Variants in FAM83A observed in about 807,000 individuals in gnomAD.
FAM83A encodes protein FAM83A.
In FAM83A, 21 loss-of-function variants were observed where a neutral mutation model predicts 24.4. The ratio of observed to expected loss-of-function variants is 0.86; its 90% CI spans 0.61 to 1.24. The LOEUF (loss-of-function observed/expected upper bound fraction) is 1.24, where lower values mean the gene tolerates loss of function less well. FAM83A is among the 50% of genes most tolerant of loss of function. The pLI, the probability that FAM83A is intolerant of heterozygous loss-of-function variation, is 0.00. For synonymous variants in FAM83A, 270 were observed against 252.4 expected, an observed-to-expected ratio of 1.07 and a Z score of -0.66; for missense variants, 617 against 579.8, an observed-to-expected ratio of 1.06 and a Z score of -0.66.
Position 123,209,127 on chromosome 8 carries a change from A to AGC in FAM83A, c.*1440_*1441dup. 1 of 1,055,336 alleles carries AGC rather than the reference A, an allele frequency of 9.5e-7. No homozygotes were observed. Among genetic ancestry groups the AGC allele is most frequent in the Non-Finnish European group, 1.1e-6 (1 of 876,394 alleles). The allele number at this position is 1,055,336 out of a possible 1,614,324, so 65.4% of individuals were successfully genotyped here. ...GATCCAGGCTGGGGAGCCAGAGGGG[A>AGC]GCAGGTGCCAACTCCACATCCTTCT... is the stretch of plus-strand genomic sequence containing the variant. On this transcript the variant is annotated 3_prime_UTR_variant, in exon 4 of 4. Coordinates refer to ENST00000690554, the Ensembl canonical transcript of FAM83A. This position sits in a 1 kb window ranked among gnomAD's most constrained non-coding sequence, Gnocchi z 4.7.
Position 123,207,558 on chromosome 8 carries a change from GC to G in FAM83A, c.1178del (p.Pro393ArgfsTer28). ...CACCTCTCCCCGCGGCCCCACGACG[GC>G]CCGCCCGCCGCTGTCTACAGCAACC... On this transcript the variant is annotated frameshift_variant, in exon 4 of 4. Transcript: ENST00000690554. LOFTEE classifies it high-confidence loss of function. 6.5e-7 allele frequency: 1 copy of G among 1,529,334 alleles called. No homozygotes were observed. 94.7% of individuals were successfully genotyped at this position (1,529,334 alleles called of 1,614,324 possible).
chr8:123,192,541 A>T (rs1471714945), intron 2 of FAM83A, among the ~76,000 whole-genome samples: 2 of 152,228 alleles, frequency 1.3e-5, no homozygotes, highest in African/African-American at 4.8e-5. Flanking sequence ...GATTCATCAC[A>T]TAAATTTGAG....
At chr8:123,183,405 A>T (rs1356403136) in intron 1 of FAM83A, 69 bp downstream of exon 1, 1 of 1,542,950 alleles carries the variant, frequency 6.5e-7, no homozygotes, top group Non-Finnish European at 8.7e-7. Flanking sequence ...TAGAGCAGGG[A>T]GGGGGGTGCA....
chr8:123,204,102 G>A (rs367791812), intron 3 of FAM83A, among the ~76,000 whole-genome samples: 55 of 152,238 alleles, frequency 3.6e-4, no homozygotes, highest in African/African-American at 1.3e-3. Context: ...CCTATGGCTA[G>A]ATGTGGACTA....
chr8:123,189,422 T>C (rs185736270), intron 1 of FAM83A, among the ~76,000 whole-genome samples: 1 of 152,160 alleles, frequency 6.6e-6, no homozygotes, highest in Admixed American at 6.5e-5. Flanking sequence ...ATTAGAAAGA[T>C]AGTGGAAACT....
exon 4 of FAM83A, chr8:123,208,743 C>T: frequency 3.0e-6 from 3 of 985,300 alleles, no homozygotes; most frequent in Non-Finnish European, 3.6e-6. Context: ...TGCCTGTAAT[C>T]CCAGAACTTT....
At chr8:123,183,683 CT>C (rs60861074) in intron 1 of FAM83A, among the ~76,000 whole-genome samples, 3,241 of 130,922 alleles carry the variant, frequency 0.025, 70 homozygotes, top group African/African-American at 0.083. Flanking sequence ...TTTTTTCTTT[CT>C]TTTTTTTTTT....
At chr8:123,200,411 T>C (rs1824310151) in intron 3 of FAM83A, among the ~76,000 whole-genome samples, 1 of 152,236 alleles carries the variant, frequency 6.6e-6, no homozygotes, top group East Asian at 1.9e-4. Context: ...AATTTGCACT[T>C]GCCCTTCCAG....
chr8:123,207,228 T>C (rs1231010235), exon 4 of FAM83A: 1 of 1,612,568 alleles, frequency 6.2e-7, no homozygotes, highest in Non-Finnish European at 8.5e-7. Context: ...GTGGAGCTGT[T>C]TGACGAGGAG....
upstream of FAM83A, chr8:123,181,627 C>T (rs1391089461): frequency 5.7e-6 from 1 of 174,956 alleles, no homozygotes; most frequent in Non-Finnish European, 1.2e-5. Flanking sequence ...ATAAACTCCG[C>T]AGCTTTCTCA....
In FAM83A at chr8:123,209,177, T is replaced by G; in HGVS notation, c.*1489T>G. 1.8e-6 allele frequency: 2 copies of G among 1,128,544 alleles called. No homozygotes were observed. Among genetic ancestry groups the G allele is most frequent in the Non-Finnish European group, 2.2e-6 (2 of 925,146 alleles). 69.9% of individuals were successfully genotyped at this position (1,128,544 alleles called of 1,614,324 possible). A position where few individuals can be genotyped will look rare whatever the true frequency, so the allele number is the denominator to read the frequency against. Reference sequence around the variant, plus strand: ...TCCTGTTTCTAGGCCCTCTCCTCCCTTGTCGGTTTTTGGCGGGGAAGCTCA... The same window carrying G: ...TCCTGTTTCTAGGCCCTCTCCTCCCGTGTCGGTTTTTGGCGGGGAAGCTCA... On this transcript the variant is annotated 3_prime_UTR_variant, in exon 4 of 4. Transcript: ENST00000690554. This position sits in a 1 kb window ranked among gnomAD's most constrained non-coding sequence, Gnocchi z 4.7.
At chr8:123,194,084 G>A (rs7813708) in exon 3 of FAM83A, 312,935 of 1,613,918 alleles carry the variant, frequency 0.19, 31,522 homozygotes, top group East Asian at 0.23. Context: ...CAGGAAATTC[G>A]CTGGCCAAAT....
Position 123,183,354 on chromosome 8 carries a change from C to T in FAM83A, c.480+18C>T. 2 of 1,598,120 alleles carry T rather than the reference C, an allele frequency of 1.3e-6. No individual in the cohort carries two copies. The highest frequency in any genetic ancestry group is 1.7e-6 in the Non-Finnish European group (2 of 1,170,342). ...CTAGCCAGGTACCGATGGCAAAGCC[C>T]CTGTCTCCGTGGCCAAGTAGCAGGG... On this transcript the variant is annotated intron_variant, in intron 1 of 3. Coordinates refer to ENST00000690554, the Ensembl canonical transcript of FAM83A.
At chr8:123,182,675 A>G in exon 1 of FAM83A, 1 of 913,212 alleles carries the variant, frequency 1.1e-6, no homozygotes, top group Non-Finnish European at 1.7e-6. Flanking sequence ...AGGAGTTCTG[A>G]GAAGCATTGC....
intron 1 of FAM83A, among the ~76,000 whole-genome samples, chr8:123,187,605 G>A (rs1237644119): frequency 2.0e-5 from 3 of 152,122 alleles, no homozygotes; most frequent in Non-Finnish European, 2.9e-5. Context: ...TAATAGTAAA[G>A]AACTATTTCA....
chr8:123,200,958 A>AAC (rs1491160252), intron 3 of FAM83A, among the ~76,000 whole-genome samples: 2 of 93,134 alleles, frequency 2.1e-5, no homozygotes, highest in South Asian at 6.6e-4. Context: ...ACAAATAAAC[A>AAC]AAAAAAAAAA....
At chr8:123,207,373 G>A (rs764285756) in exon 4 of FAM83A, 2 of 1,611,464 alleles carry the variant, frequency 1.2e-6, no homozygotes, top group Non-Finnish European at 1.7e-6. Context: ...GTGACCGCAC[G>A]TCCTCCAACC....
chr8:123,193,496 G>A (rs1824046704), intron 2 of FAM83A, among the ~76,000 whole-genome samples: 1 of 152,050 alleles, frequency 6.6e-6, no homozygotes, highest in African/African-American at 2.4e-5. Context: ...AGACAATTTA[G>A]ACAATTCAGC....
At chr8:123,182,539 C>G (rs927161513), upstream of FAM83A, 4 of 551,008 alleles carry the variant, frequency 7.3e-6, no homozygotes, top group African/African-American at 7.4e-5. Context: ...TCGCCTCCCC[C>G]TGCGGCTGGG....
Sources: allele counts gnomAD v4.1 joint callset (sites outside exome capture counted in the v4.1 genomes callset), GRCh38; gene constraint gnomAD v4.1.1; non-coding constraint Gnocchi (gnomAD v3.1); transcripts MANE v1.5; gene names NCBI Gene and HGNC (gene_info 2026-07-23, HGNC 2026-07-21).